SLC12A2: variants seen among roughly 807,000 people sequenced by gnomAD.
SLC12A2 encodes solute carrier family 12 member 2, also known as Na-K-2Cl cotransporter 1.
SLC12A2 carries 67 observed loss-of-function variants against 136.3 expected under a neutral mutation model. That is an observed-to-expected ratio of 0.49 (90% CI 0.40 to 0.60). The LOEUF (loss-of-function observed/expected upper bound fraction) is 0.60, where lower values mean the gene tolerates loss of function less well. Ranked by LOEUF, SLC12A2 falls within the 20% of genes least tolerant of loss-of-function variation. The pLI, the probability that SLC12A2 is intolerant of heterozygous loss-of-function variation, is 0.00. For missense variants in SLC12A2, 1,322 were observed against 1,534.7 expected (o/e 0.86, Z 2.32); for synonymous variants, 619 against 562.9 (o/e 1.10, Z -1.41).
rs760789352 is a variant in SLC12A2 at position 128,112,878 on chromosome 5, C to T, written c.821C>T (p.Thr274Met). Residue 274 changes from threonine to methionine, a missense_variant, in exon 2 of 27, where the codon ACG (threonine) becomes ATG (methionine). Thr to Met is a moderately conservative substitution (Grantham distance 81). Coordinates refer to ENST00000262461, the MANE Select transcript of SLC12A2 (RefSeq NM_001046.3). ...ACTCCAACCAGAGATGCTGTGGTCA[C>T]GTATACTGCAGAAAGTAAAGGAGTC... ...ESTPTRDAVV[T>M]YTAESKGVVK... 2.1e-5 allele frequency: 34 copies of T among 1,612,540 alleles called. No individual in the cohort carries two copies. Among genetic ancestry groups the T allele is most frequent in the South Asian group, 3.3e-5 (3 of 90,982 alleles).
intron 4 of SLC12A2, among the ~76,000 whole-genome samples, chr5:128,118,707 G>C (rs995117640): frequency 2.0e-5 from 3 of 152,058 alleles, no homozygotes; most frequent in African/African-American, 7.2e-5. Context: ...AAAACCACCT[G>C]TTCCCCAAAA....
In SLC12A2 at chr5:128,083,908, C is replaced by G; in HGVS notation, c.-47C>G. ...GCCAGGGGTGTGGAGGGCGTGCTGC[C>G]GGAGACGTCCGCCGGGCTCTGCAGT... is the stretch of plus-strand genomic sequence containing the variant. On this transcript the variant is annotated 5_prime_UTR_variant, in exon 1 of 27. Transcript: ENST00000262461. 1 of 1,211,976 alleles carries G rather than the reference C, an allele frequency of 8.3e-7. No homozygotes were observed. Among genetic ancestry groups the G allele is most frequent in the Non-Finnish European group, 1.0e-6 (1 of 973,964 alleles). 75.1% of individuals were successfully genotyped at this position (1,211,976 alleles called of 1,614,324 possible). A position where few individuals can be genotyped will look rare whatever the true frequency, so the allele number is the denominator to read the frequency against.
At position 128,084,324 on chromosome 5, in the gene SLC12A2, G is replaced by C; in HGVS notation, c.370G>C (p.Gly124Arg). 1 of 1,556,824 alleles carries C rather than the reference G, an allele frequency of 6.4e-7. No individual in the cohort carries two copies. The highest frequency in any genetic ancestry group is 8.6e-7 in the Non-Finnish European group (1 of 1,156,748). Residue 124 changes from glycine (G) to arginine (R), a missense_variant, in exon 1 of 27, where the codon GGC becomes CGC. Around this residue, in one of 8 missense-constraint regions of SLC12A2, gnomAD observed 358 missense variants for 299.7 expected, o/e 1.19. Transcript: ENST00000262461. This position sits in a 1 kb window ranked among gnomAD's most constrained non-coding sequence, Gnocchi z 5.6. ...KQTPADGEASGESEPAKGSEE... is the reference protein window; with the variant it reads ...KQTPADGEASRESEPAKGSEE... ...GACCCCCGCGGACGGGGAAGCCAGC[G>C]GCGAGAGCGAGCCGGCTAAAGGCAG...
intron 1 of SLC12A2, among the ~76,000 whole-genome samples, chr5:128,101,060 T>G (rs914994071): frequency 2.0e-5 from 3 of 152,192 alleles, no homozygotes; most frequent in African/African-American, 4.8e-5. Flanking sequence ...GAGCTTTGCA[T>G]TAATACCACT....
At chr5:128,155,786 T>C (rs1187379591) in intron 15 of SLC12A2, among the ~76,000 whole-genome samples, 1 of 152,204 alleles carries the variant, frequency 6.6e-6, no homozygotes, top group African/African-American at 2.4e-5. Context: ...GTGGCTTTGC[T>C]GGTTCTTTGA....
Position 128,148,816 on chromosome 5 carries a change from TAATG to T in SLC12A2, c.1947_1950del (p.Glu650LeufsTer7). The T allele has an allele frequency of 6.2e-7, 1 of 1,608,812 alleles. No individual in the cohort carries two copies. Among genetic ancestry groups the T allele is most frequent in the Non-Finnish European group, 8.5e-7 (1 of 1,177,076 alleles). Reference sequence around the variant, plus strand: ...TGTTTGCTAAAGGTTATGGGAAAAATAATGAACCTCTTCGTGGCTACATCTTAAC... The same window carrying T: ...TGTTTGCTAAAGGTTATGGGAAAAATAACCTCTTCGTGGCTACATCTTAAC... On this transcript the variant is annotated frameshift_variant, in exon 12 of 27. Coordinates refer to ENST00000262461, the MANE Select transcript of SLC12A2 (RefSeq NM_001046.3). LOFTEE classifies it high-confidence loss of function.
chr5:128,116,864 G>T (rs755043663), intron 4 of SLC12A2, among the ~76,000 whole-genome samples: 29 of 151,942 alleles, frequency 1.9e-4, no homozygotes, highest in Non-Finnish European at 2.8e-4. Flanking sequence ...TGTCTCCTCT[G>T]TATCTGACTC....
intron 17 of SLC12A2, among the ~76,000 whole-genome samples, chr5:128,162,553 A>G (rs866859670): frequency 1.3e-5 from 2 of 152,196 alleles, no homozygotes; most frequent in South Asian, 2.1e-4. Flanking sequence ...AGTTGAGTTC[A>G]GTAGTTTTGT....
At position 128,110,886 on chromosome 5, in the gene SLC12A2, A is replaced by C. The variant is rs1290869654; in HGVS notation, c.757-1928A>C. On this transcript the variant is annotated intron_variant, in intron 1 of 26. Coordinates refer to ENST00000262461, the MANE Select transcript of SLC12A2 (RefSeq NM_001046.3). ...AACTTTTCCAGGAATATGCCAATTT[A>C]CAAGTGAGTGGGCCGCAAATCTGAG... 2.5e-6 allele frequency: 3 copies of C among 1,212,952 alleles called. No homozygotes were observed. In the African/African-American group the frequency reaches 4.5e-5, roughly 18 times the overall value. The allele number at this position is 1,212,952 out of a possible 1,614,324, so 75.1% of individuals were successfully genotyped here.
chr5:128,137,258 A>G (rs946130075), intron 7 of SLC12A2, among the ~76,000 whole-genome samples: 2 of 152,138 alleles, frequency 1.3e-5, no homozygotes, highest in African/African-American at 2.4e-5. Context: ...TCTCCTTACT[A>G]TAAGAATTTT....
intron 24 of SLC12A2, among the ~76,000 whole-genome samples, 160 bp downstream of exon 24, chr5:128,183,101 A>ATT (rs1378624769): frequency 2.6e-5 from 4 of 152,082 alleles, no homozygotes; most frequent in African/African-American, 9.7e-5. Flanking sequence ...TATATCAGAT[A>ATT]TTAAAGAAAG....
At chr5:128,104,873 C>T (rs1167099617) in intron 1 of SLC12A2, among the ~76,000 whole-genome samples, 1 of 151,998 alleles carries the variant, frequency 6.6e-6, no homozygotes, top group East Asian at 1.9e-4. Context: ...CTATACAGTG[C>T]AGAACTTCTG....
In SLC12A2 at chr5:128,084,150, G is replaced by T; in HGVS notation, c.196G>T (p.Asp66Tyr). 1 of 1,295,514 alleles carries T rather than the reference G, an allele frequency of 7.7e-7. No homozygotes were observed. The highest frequency in any genetic ancestry group is 9.7e-7 in the Non-Finnish European group (1 of 1,028,136). 80.3% of individuals were successfully genotyped at this position (1,295,514 alleles called of 1,614,324 possible). A position where few individuals can be genotyped will look rare whatever the true frequency, so the allele number is the denominator to read the frequency against. ...VRDEGPAAAG[D>Y]GLGRPLGPTP... ...CGATGAGGGCCCCGCGGCGGCCGGG[G>T]ACGGGCTGGGCAGACCCTTGGGGCC... Residue 66 changes from aspartate (D) to tyrosine (Y), a missense_variant, in exon 1 of 27, where the codon GAC becomes TAC. Transcript: ENST00000262461. The surrounding 1 kb of genome is among the most constrained non-coding windows in gnomAD (Gnocchi z 5.6).
intron 1 of SLC12A2, among the ~76,000 whole-genome samples, chr5:128,099,375 A>T (rs1200673378): frequency 6.6e-6 from 1 of 152,170 alleles, no homozygotes; most frequent in Admixed American, 6.5e-5. Flanking sequence ...TAGGATACTT[A>T]CTATTGAATG....
At chr5:128,093,404 C>G (rs993828035) in intron 1 of SLC12A2, among the ~76,000 whole-genome samples, 1 of 152,080 alleles carries the variant, frequency 6.6e-6, no homozygotes, top group Non-Finnish European at 1.5e-5. Context: ...CGTCTTCTAC[C>G]CACACTCCTC....
At chr5:128,156,148 T>G (rs1482121464) in intron 15 of SLC12A2, among the ~76,000 whole-genome samples, 1 of 152,128 alleles carries the variant, frequency 6.6e-6, no homozygotes, top group Non-Finnish European at 1.5e-5. Context: ...TAACACACTG[T>G]TCCTGCCACT....
intron 4 of SLC12A2, among the ~76,000 whole-genome samples, chr5:128,122,302 A>G (rs923636648): frequency 1.3e-5 from 2 of 152,208 alleles, no homozygotes; most frequent in African/African-American, 2.4e-5. Flanking sequence ...ATCAGCTGAC[A>G]ATTGTTGAGC....
At position 128,126,963 on chromosome 5, in the gene SLC12A2, TA is replaced by T. The variant is rs1371140168; in HGVS notation, c.1049-4103del. Among the ~76,000 whole-genome samples, 69 of 63,218 alleles carry T rather than the reference TA, an allele frequency of 1.1e-3. 2 individuals carry two copies. The highest frequency in any genetic ancestry group is 1.6e-3 in the Non-Finnish European group (57 of 35,006). The allele number at this position is 63,218 out of a possible 152,430, so 41.5% of individuals were successfully genotyped here. ...CTACATATATATATATATATATATA[TA>T]TATTTTTTTTTTTTTTTTTTTTTGC... On this transcript the variant is annotated intron_variant, in intron 4 of 26. Coordinates refer to ENST00000262461, the MANE Select transcript of SLC12A2 (RefSeq NM_001046.3).
rs200833127 is a variant in SLC12A2 at position 128,138,853 on chromosome 5, A to G, written c.1566A>G (p.Thr522=). ...CTCAGTCAGCCATACCCAAAGGAAC[A>G]CTCCTAGCCATTTTAATTACTACAT... ...ADPQSAIPKG[T]LLAILITTLV... Residue 522 remains threonine, a synonymous_variant, in exon 9 of 27, where the codon ACA becomes ACG. Transcript: ENST00000262461. 301 of 1,613,150 alleles carry G rather than the reference A, an allele frequency of 1.9e-4. 5 individuals carry two copies. The South Asian group carries it at 2.8e-3, about 15-fold the overall frequency.
Sources: gnomAD v4.1 joint callset for allele counts (sites outside exome capture counted in the v4.1 genomes callset) on GRCh38, gnomAD v4.1.1 for gene constraint, gnomAD v4.1.1 regional missense constraint, Gnocchi (gnomAD v3.1) non-coding constraint, MANE v1.5 for transcripts, NCBI Gene and HGNC (gene_info 2026-07-23, HGNC 2026-07-21) for gene names.